SNAP91: variants seen among roughly 807,000 people sequenced by gnomAD.
SNAP91 encodes clathrin coat assembly protein AP180.
Under a neutral mutation model 100.3 loss-of-function variants are expected in SNAP91, and 27 were observed. The ratio of observed to expected loss-of-function variants is 0.27; its 90% CI spans 0.20 to 0.37. The LOEUF (loss-of-function observed/expected upper bound fraction) is 0.37, where lower values mean the gene tolerates loss of function less well. SNAP91 is among the 10% of genes least tolerant of loss of function. The pLI is 1.00. For synonymous variants in SNAP91, 404 were observed against 398.6 expected (o/e 1.01, Z -0.16); for missense variants, 986 against 1,123.7 (o/e 0.88, Z 1.75).
intron 3 of SNAP91, among the ~76,000 whole-genome samples, chr6:83,662,880 T>C (rs918458431): frequency 6.6e-6 from 1 of 152,166 alleles, no homozygotes; most frequent in African/African-American, 2.4e-5. Flanking sequence ...CTCATTTTAT[T>C]GAGCTTCTTT....
chr6:83,656,802 G>C lies in SNAP91; in HGVS notation c.610C>G (p.Leu204Val), dbSNP rs757565251. The change falls in exon 7 of 30, where the codon CTT becomes GTT. Residue 204 changes from leucine to valine, a missense_variant. Coordinates refer to ENST00000369694, the MANE Select transcript of SNAP91 (RefSeq NM_001242792.2). ...TTGTAGCAAGCAAAAAGTTTGATAA[G>C]ATCTTTGAAAAGAAGCATAAATGCT... ...NAAFMLLFKDLIKLFACYNDG... is the reference protein window; with the variant it reads ...NAAFMLLFKDVIKLFACYNDG... 29 of 1,607,456 alleles carry C rather than the reference G, an allele frequency of 1.8e-5. No homozygotes were observed. The highest frequency in any genetic ancestry group is 2.5e-5 in the Non-Finnish European group (29 of 1,176,924).
chr6:83,641,477 C>T (rs962031888), intron 7 of SNAP91, among the ~76,000 whole-genome samples: 3 of 152,112 alleles, frequency 2.0e-5, no homozygotes, highest in African/African-American at 7.2e-5. Flanking sequence ...CCACAACTGG[C>T]TAAATTCATG....
rs548839652 is a variant in SNAP91 at position 83,607,766 on chromosome 6, C to T, written c.955G>A (p.Ala319Thr). 1.3e-6 allele frequency: 2 copies of T among 1,594,830 alleles called. No homozygotes were observed. The highest frequency in any genetic ancestry group is 1.7e-5 in the Admixed American group (1 of 57,204). ...TTVTSPNSTPAKTIDTSPPVD... is the reference protein window; with the variant it reads ...TTVTSPNSTPTKTIDTSPPVD... The stretch of plus-strand genomic sequence containing the variant: ...GGTGGGGATGTGTCAATAGTTTTAG[C>T]TGGTGTAGAATTAGGAGACGTAACA... The change falls in exon 13 of 30, where the codon GCT becomes ACT. Residue 319 changes from alanine (A) to threonine (T), a missense_variant. By Grantham distance (58) the Ala-to-Thr change is moderately conservative. Transcript: ENST00000369694.
intron 28 of SNAP91, among the ~76,000 whole-genome samples, chr6:83,559,096 T>A (rs1331269180): frequency 6.6e-6 from 1 of 152,200 alleles, no homozygotes; most frequent in Non-Finnish European, 1.5e-5. Flanking sequence ...ATGATAGGCA[T>A]GTCTTTGTTA....
intron 22 of SNAP91, among the ~76,000 whole-genome samples, chr6:83,588,602 C>A (rs1233197022): frequency 2.0e-5 from 3 of 152,200 alleles, no homozygotes; most frequent in Non-Finnish European, 4.4e-5. Flanking sequence ...TTACACCTGG[C>A]AGCAGGTGAC....
intron 2 of SNAP91, among the ~76,000 whole-genome samples, chr6:83,701,675 T>C (rs569945669): frequency 1.3e-5 from 2 of 152,300 alleles, no homozygotes; most frequent in East Asian, 3.9e-4. Context: ...CTTGAACTCC[T>C]GACCTCAGGT....
intron 2 of SNAP91, chr6:83,689,492 C>T (rs1249530752): frequency 1.3e-5 from 2 of 151,520 alleles, no homozygotes; most frequent in African/African-American, 2.4e-5. Context: ...TTTACTCATA[C>T]AAAAAAAGGT....
intron 13 of SNAP91, among the ~76,000 whole-genome samples, chr6:83,607,363 G>GTA: frequency 6.6e-6 from 1 of 151,948 alleles, no homozygotes; most frequent in South Asian, 2.1e-4. Flanking sequence ...GTGTGTGTGT[G>GTA]TGTTTTAAAG....
At chr6:83,575,677 C>T (rs896325578) in intron 25 of SNAP91, 3 of 242,228 alleles carry the variant, frequency 1.2e-5, no homozygotes, top group South Asian at 7.6e-5. Context: ...AATTAATACT[C>T]CATGAAAGAC....
intron 13 of SNAP91, 94 bp downstream of exon 13, chr6:83,607,605 C>T: frequency 1.4e-6 from 1 of 728,674 alleles, no homozygotes; most frequent in South Asian, 2.4e-5. Context: ...GATTAGATTT[C>T]CTTTGGTGAA....
At chr6:83,601,657 G>A in intron 14 of SNAP91, 58 bp from the exon 15 acceptor site, 1 of 1,542,718 alleles carries the variant, frequency 6.5e-7, no homozygotes, top group Admixed American at 1.7e-5. Context: ...GTTGAAACAT[G>A]CAACCATACC....
Position 83,582,310 on chromosome 6 carries a change from T to C in SNAP91, c.2061A>G (p.Pro687=). 6.2e-7 allele frequency: 1 copy of C among 1,613,524 alleles called. No homozygotes were observed. Among genetic ancestry groups the C allele is most frequent in the Middle Eastern group, 1.7e-4 (1 of 6,058 alleles). The stretch of plus-strand genomic sequence containing the variant: ...TGGGCTGTAGCAGGTTATTCTGAGC[T>C]GGAGTCACTGGAGATGGGGAAGGCG... ...FMAPSPSPVT[P]AQNNLLQPNF... is the part of the protein sequence containing the mutation. Residue 687 remains proline, a synonymous_variant, in exon 23 of 30, where the codon CCA becomes CCG. Coordinates refer to ENST00000369694, the MANE Select transcript of SNAP91 (RefSeq NM_001242792.2).
chr6:83,691,499 TAATTAACTTCCCTACTAGATC>T (rs2099129660), intron 2 of SNAP91, among the ~76,000 whole-genome samples: 1 of 152,208 alleles, frequency 6.6e-6, no homozygotes, highest in Non-Finnish European at 1.5e-5. Flanking sequence ...GGTCATTTTC[TAATTAACTTCCCTACTAGATC>T]AACTCTTTTT....
intron 11 of SNAP91, among the ~76,000 whole-genome samples, 170 bp from the exon 12 acceptor site, chr6:83,610,847 C>T (rs2096007842): frequency 6.7e-6 from 1 of 149,230 alleles, no homozygotes; most frequent in Non-Finnish European, 1.5e-5. Context: ...AATGGACAGG[C>T]TATTTTTAAA....
intron 2 of SNAP91, among the ~76,000 whole-genome samples, chr6:83,670,077 T>C (rs986959142): frequency 5.3e-5 from 8 of 152,088 alleles, no homozygotes; most frequent in Admixed American, 6.6e-5. Flanking sequence ...TTCAGAAAGC[T>C]GTTTTTCAAA....
At position 83,586,959 on chromosome 6, in the gene SNAP91, C is replaced by T. The variant is rs370934702; in HGVS notation, c.2014+4252G>A. The stretch of plus-strand genomic sequence containing the variant: ...AAATTTTTACTCAAGGGGTAGAAGA[C>T]GACTAAGGCAATATTTCAAGTGCTG... On this transcript the variant is annotated intron_variant, in intron 22 of 29. Coordinates refer to ENST00000369694, the MANE Select transcript of SNAP91 (RefSeq NM_001242792.2). Among the ~76,000 whole-genome samples the T allele has an allele frequency of 2.2e-4, 33 of 152,142 alleles. No individual in the cohort carries two copies. The East Asian group carries it at 4.6e-3, about 21-fold the overall frequency.
intron 8 of SNAP91, among the ~76,000 whole-genome samples, chr6:83,631,872 T>C (rs1004222391): frequency 4.6e-5 from 7 of 152,174 alleles, no homozygotes; most frequent in Non-Finnish European, 1.0e-4. Flanking sequence ...ATTCCATTCA[T>C]TGTGCTATTT....
intron 24 of SNAP91, 118 bp from the exon 25 acceptor site, chr6:83,576,171 G>T: frequency 1.9e-6 from 1 of 539,992 alleles, no homozygotes; most frequent in South Asian, 2.9e-5. Flanking sequence ...GCCTAGGAAT[G>T]ACTGCATTCA....
chr6:83,591,491 T>C (rs1254574077), intron 21 of SNAP91, among the ~76,000 whole-genome samples, 197 bp from the exon 22 acceptor site: 2 of 152,216 alleles, frequency 1.3e-5, no homozygotes, highest in Non-Finnish European at 2.9e-5. Context: ...TTCTAAAATA[T>C]TAACAAGTAA....
Sources: allele counts gnomAD v4.1 joint callset (sites outside exome capture counted in the v4.1 genomes callset), GRCh38; gene constraint gnomAD v4.1.1; transcripts MANE v1.5; gene names NCBI Gene and HGNC (gene_info 2026-07-23, HGNC 2026-07-21).